Variants in NTRK3 observed in about 807,000 individuals in gnomAD.
The protein encoded by NTRK3 is neurotrophic receptor tyrosine kinase 3.
NTRK3 carries 24 observed loss-of-function variants against 91.7 expected under a neutral mutation model. The observed-to-expected ratio is 0.26, with a 90% CI of 0.19 to 0.37. The LOEUF (loss-of-function observed/expected upper bound fraction) is 0.37, where lower values mean the gene tolerates loss of function less well. NTRK3 is among the 10% of genes least tolerant of loss of function. The probability of loss-of-function intolerance (pLI) is 1.00; values close to 1 mark genes in which losing one functional copy is unlikely to be tolerated. For missense variants in NTRK3, 880 were observed against 1,068.9 expected (o/e 0.82, Z 2.46); for synonymous variants, 483 against 404.0 (o/e 1.20, Z -2.34).
At chr15:87,870,301 G>A in exon 19 of NTRK3, 1 of 190,354 alleles carries the variant, frequency 5.3e-6, no homozygotes, top group Non-Finnish European at 1.1e-5. Context: ...GGTGAGATTG[G>A]AGACCACTAT....
chr15:87,926,468 C>T (rs887564200), intron 17 of NTRK3, among the ~76,000 whole-genome samples: 3 of 152,170 alleles, frequency 2.0e-5, no homozygotes, highest in East Asian at 1.9e-4. Flanking sequence ...TGGCTAACAT[C>T]GCCCTTAGAA....
intron 5 of NTRK3, among the ~76,000 whole-genome samples, chr15:88,181,411 T>C (rs2046442532): frequency 6.6e-6 from 1 of 152,108 alleles, no homozygotes; most frequent in South Asian, 2.1e-4. Context: ...CATGCTCTGG[T>C]ACAACCCACT....
intron 13 of NTRK3, among the ~76,000 whole-genome samples, chr15:88,110,637 A>G (rs1415703365): frequency 2.0e-5 from 3 of 152,176 alleles, no homozygotes; most frequent in Non-Finnish European, 4.4e-5. Context: ...GCAAAGCACT[A>G]ATCAAATGTT....
At chr15:87,886,633 A>C (rs1195040065) in intron 17 of NTRK3, among the ~76,000 whole-genome samples, 3 of 147,296 alleles carry the variant, frequency 2.0e-5, no homozygotes, top group African/African-American at 7.4e-5. Flanking sequence ...GGCTTCCTCT[A>C]TAGTATGTGA....
At position 88,061,378 on chromosome 15, in the gene NTRK3, A is replaced by C. The variant is rs1041465292; in HGVS notation, c.1397-28333T>G. Among the ~76,000 whole-genome samples, 41 of 152,242 alleles carry C rather than the reference A, an allele frequency of 2.7e-4. 1 individual carries two copies. Among genetic ancestry groups the C allele is most frequent in the Non-Finnish European group, 5.9e-5 (4 of 68,046 alleles). ...ACTCCCGCCACTAAATGAATTGTCT[A>C]CTTGACCCCCAGTGGTCAGAAGGGA... On this transcript the variant is annotated intron_variant, in intron 13 of 18. Coordinates refer to ENST00000394480, the Ensembl canonical transcript of NTRK3.
intron 17 of NTRK3, among the ~76,000 whole-genome samples, chr15:87,918,301 CT>C (rs1445253599): frequency 1.3e-5 from 2 of 152,230 alleles, no homozygotes; most frequent in Non-Finnish European, 2.9e-5. Flanking sequence ...GACAAATCCT[CT>C]GTGACTGTCC....
chr15:88,204,216 C>T (rs1304523792), intron 3 of NTRK3, among the ~76,000 whole-genome samples: 5 of 152,150 alleles, frequency 3.3e-5, no homozygotes, highest in Non-Finnish European at 7.4e-5. Context: ...CATTGGATTC[C>T]GCAGCAGTTG....
At chr15:88,022,034 C>T (rs2077633707) in intron 14 of NTRK3, among the ~76,000 whole-genome samples, 2 of 152,146 alleles carry the variant, frequency 1.3e-5, no homozygotes, top group African/African-American at 2.4e-5. Flanking sequence ...TTCCCTTACC[C>T]TGCATTCCTG....
At chr15:88,031,714 G>T (rs1011983187) in intron 14 of NTRK3, among the ~76,000 whole-genome samples, 1 of 152,150 alleles carries the variant, frequency 6.6e-6, no homozygotes, top group African/African-American at 2.4e-5. Flanking sequence ...AAAACTCAGA[G>T]CCAGGGAAAT....
At chr15:88,138,762 T>C (rs1330549967) in intron 6 of NTRK3, among the ~76,000 whole-genome samples, 1 of 152,234 alleles carries the variant, frequency 6.6e-6, no homozygotes, top group Non-Finnish European at 1.5e-5. Flanking sequence ...TTATCACTAC[T>C]GGCATCACTT....
chr15:87,975,100 CTGAG>C (rs1214128456), intron 14 of NTRK3, among the ~76,000 whole-genome samples: 2 of 152,166 alleles, frequency 1.3e-5, no homozygotes, highest in Admixed American at 1.3e-4. Context: ...CTGACTGGTT[CTGAG>C]TAAGTGCTTC....
At chr15:87,903,747 C>T (rs1311113420) in intron 17 of NTRK3, among the ~76,000 whole-genome samples, 1 of 152,240 alleles carries the variant, frequency 6.6e-6, no homozygotes, top group East Asian at 1.9e-4. Context: ...ATTGGTTTTC[C>T]CCAGAAGGCC....
intron 13 of NTRK3, among the ~76,000 whole-genome samples, chr15:88,108,363 AG>A (rs1327850889): frequency 6.6e-6 from 1 of 152,212 alleles, no homozygotes; most frequent in Non-Finnish European, 1.5e-5. Flanking sequence ...ACAGCACAAA[AG>A]GAAGTTCATT....
At chr15:87,895,008 G>A (rs1350388986) in intron 17 of NTRK3, among the ~76,000 whole-genome samples, 1 of 152,104 alleles carries the variant, frequency 6.6e-6, no homozygotes, top group South Asian at 2.1e-4. Context: ...CTTTGTGGGG[G>A]TGGGGAGCAG....
chr15:88,087,836 G>A (rs755147290), intron 13 of NTRK3, among the ~76,000 whole-genome samples: 1 of 152,172 alleles, frequency 6.6e-6, no homozygotes, highest in Non-Finnish European at 1.5e-5. Context: ...ATCACCTGAG[G>A]TCAGAAGTTC....
At chr15:88,014,846 C>G (rs764160864) in intron 14 of NTRK3, among the ~76,000 whole-genome samples, 1 of 152,212 alleles carries the variant, frequency 6.6e-6, no homozygotes, top group Non-Finnish European at 1.5e-5. Flanking sequence ...AAGCAAAAGT[C>G]ATTGGTCGAT....
At chr15:88,005,990 TG>T (rs1002852714) in intron 14 of NTRK3, among the ~76,000 whole-genome samples, 3 of 152,332 alleles carry the variant, frequency 2.0e-5, no homozygotes, top group African/African-American at 7.2e-5. Flanking sequence ...AGGAGGCAGA[TG>T]GTATTTACAG....
chr15:88,004,250 C>T (rs1487370476), intron 14 of NTRK3, among the ~76,000 whole-genome samples: 1 of 152,078 alleles, frequency 6.6e-6, no homozygotes, highest in African/African-American at 2.4e-5. Context: ...GGGACTATGC[C>T]AGAGTCCCTC....
chr15:87,959,253 G>A (rs2072000190), intron 14 of NTRK3, among the ~76,000 whole-genome samples: 1 of 152,230 alleles, frequency 6.6e-6, no homozygotes, highest in Admixed American at 6.5e-5. Flanking sequence ...AGTGGGCAGA[G>A]CTCTGGCTCC....
Sources: gnomAD v4.1 joint callset for allele counts (sites outside exome capture counted in the v4.1 genomes callset) on GRCh38, gnomAD v4.1.1 for gene constraint, MANE v1.5 for transcripts, NCBI Gene and HGNC (gene_info 2026-07-23, HGNC 2026-07-21) for gene names.